The following ASTN1 variants were observed in gnomAD, a reference collection of about 807,000 sequenced individuals.
The protein encoded by ASTN1 is astrotactin 1.
ASTN1 carries 41 observed loss-of-function variants against 140.7 expected under a neutral mutation model. The ratio of observed to expected loss-of-function variants is 0.29; its 90% CI spans 0.23 to 0.38. The LOEUF is 0.38. Among genes scored for constraint, ASTN1 ranks in the 10% least tolerant of loss-of-function variants. The pLI is 1.00. For missense variants in ASTN1, 1,479 were observed against 1,678.8 expected, an observed-to-expected ratio of 0.88 and a Z score of 2.08; for synonymous variants, 640 against 652.2, an observed-to-expected ratio of 0.98 and a Z score of 0.29.
intron 4 of ASTN1, among the ~76,000 whole-genome samples, chr1:177,030,378 T>C (rs935657797): frequency 2.0e-5 from 3 of 152,310 alleles, no homozygotes; most frequent in Middle Eastern, 3.4e-3. Flanking sequence ...TCCCATTTAA[T>C]AGATGGGTGG....
chr1:177,051,880 T>C (rs1677558738), intron 2 of ASTN1, among the ~76,000 whole-genome samples: 1 of 152,160 alleles, frequency 6.6e-6, no homozygotes, highest in South Asian at 2.1e-4. Context: ...TGGGCAGTGA[T>C]GGAATTCCCT....
Position 176,864,318 on chromosome 1 carries a change from G to C in ASTN1, c.3851C>G (p.Pro1284Arg). 6.2e-7 allele frequency: 1 copy of C among 1,614,038 alleles called. No homozygotes were observed. Among genetic ancestry groups the C allele is most frequent in the Non-Finnish European group, 8.5e-7 (1 of 1,179,988 alleles). Residue 1284 changes from proline to arginine, a missense_variant, in exon 23 of 23, where the codon CCC (proline) becomes CGC (arginine). Around this residue, in one of 3 missense-constraint regions of ASTN1, gnomAD observed 746 missense variants for 800.9 expected, o/e 0.93. Coordinates refer to ENST00000361833, the MANE Select transcript of ASTN1 (RefSeq NM_004319.3). ...KTCEEQTLSIPYNDYGDSKEI is the reference protein window; with the variant it reads ...KTCEEQTLSIRYNDYGDSKEI Reference sequence around the variant, plus strand: ...TTTGCTGTCCCCATAGTCGTTGTAGGGGATACTCAGGGTCTGCTCCTCACA... The same window carrying C: ...TTTGCTGTCCCCATAGTCGTTGTAGCGGATACTCAGGGTCTGCTCCTCACA...
chr1:177,021,446 G>GT (rs1675820169), intron 7 of ASTN1, among the ~76,000 whole-genome samples: 1 of 152,184 alleles, frequency 6.6e-6, no homozygotes, highest in Non-Finnish European at 1.5e-5. Context: ...AGTAATGGTT[G>GT]TTTTTTAAAT....
At chr1:176,964,513 A>G (rs1672792092) in intron 9 of ASTN1, among the ~76,000 whole-genome samples, 1 of 152,206 alleles carries the variant, frequency 6.6e-6, no homozygotes. Context: ...AAACTTTATG[A>G]TAATTGAATC....
intron 1 of ASTN1, among the ~76,000 whole-genome samples, chr1:177,159,363 A>G (rs1001282712): frequency 3.9e-5 from 6 of 152,228 alleles, no homozygotes; most frequent in African/African-American, 1.4e-4. Flanking sequence ...CTGCCAATCT[A>G]TACAAATGCA....
chr1:177,013,569 T>C (rs1675397233), intron 8 of ASTN1, among the ~76,000 whole-genome samples: 1 of 152,178 alleles, frequency 6.6e-6, no homozygotes, highest in African/African-American at 2.4e-5. Flanking sequence ...TTCAGTATTC[T>C]AGGTTTGGTC....
chr1:176,876,462 C>T, intron 21 of ASTN1, 75 bp downstream of exon 21: 1 of 1,480,182 alleles, frequency 6.8e-7, no homozygotes, highest in Non-Finnish European at 9.4e-7. Flanking sequence ...CTCTCTTGGT[C>T]CTTCTGTCCT....
At chr1:177,109,825 T>C (rs1194936477) in intron 1 of ASTN1, among the ~76,000 whole-genome samples, 4 of 152,222 alleles carry the variant, frequency 2.6e-5, no homozygotes, top group Non-Finnish European at 5.9e-5. Context: ...AGAATCACAA[T>C]TCTCTCCACT....
intron 16 of ASTN1, among the ~76,000 whole-genome samples, chr1:176,915,770 C>T (rs927129534): frequency 3.9e-5 from 6 of 152,112 alleles, no homozygotes; most frequent in Admixed American, 1.3e-4. Context: ...AGGGAGGGCA[C>T]GATAAGGTCC....
At chr1:177,068,690 C>G (rs1278157655) in intron 1 of ASTN1, among the ~76,000 whole-genome samples, 1 of 152,216 alleles carries the variant, frequency 6.6e-6, no homozygotes, top group Admixed American at 6.5e-5. Context: ...ACACTTGGCT[C>G]TAGTTAGGCC....
chr1:176,919,745 A>G, intron 16 of ASTN1, among the ~76,000 whole-genome samples: 1 of 152,272 alleles, frequency 6.6e-6, no homozygotes, highest in Non-Finnish European at 1.5e-5. Context: ...GACTAGGTTT[A>G]TAATAAACTG....
rs1437380288 is a variant in ASTN1, at chr1:177,036,088, C to T, written c.472-3239G>A. ...GAGATGGAGTTTTGCTCTTGTTGCC[C>T]AGACTGGAGTGGAGTGCAATGGCAC... is the stretch of plus-strand genomic sequence containing the variant. On this transcript the variant is annotated intron_variant, in intron 2 of 22. Coordinates refer to ENST00000361833, the MANE Select transcript of ASTN1 (RefSeq NM_004319.3). Among the ~76,000 whole-genome samples, 3 of 135,646 alleles carry T rather than the reference C, an allele frequency of 2.2e-5. No homozygotes were observed. In the Admixed American group the frequency reaches 2.4e-4, roughly 11 times the overall value. 89.0% of individuals were successfully genotyped at this position (135,646 alleles called of 152,430 possible). A position where few individuals can be genotyped will look rare whatever the true frequency, so the allele number is the denominator to read the frequency against.
At chr1:177,141,343 G>A (rs1682462182) in intron 1 of ASTN1, among the ~76,000 whole-genome samples, 1 of 152,132 alleles carries the variant, frequency 6.6e-6, no homozygotes, top group South Asian at 2.1e-4. Flanking sequence ...GGGGCTTGGG[G>A]AACTTCTCTT....
Position 177,058,351 on chromosome 1 carries a change from C to T in ASTN1, c.471+2727G>A, listed in dbSNP as rs80168950. 4.6e-5 allele frequency among the ~76,000 whole-genome samples: 7 copies of T among 152,182 alleles called. No homozygotes were observed. The East Asian group carries it at 1.2e-3, about 25-fold the overall frequency. ...TTTTGCACCCTTACGTTTGCCTATG[C>T]CCTTTTGTCCTCTGTCTCTTTAGCC... On this transcript the variant is annotated intron_variant, in intron 2 of 22. Transcript: ENST00000361833.
chr1:177,067,789 G>A (rs1678438637), intron 1 of ASTN1, among the ~76,000 whole-genome samples: 1 of 152,086 alleles, frequency 6.6e-6, no homozygotes. Context: ...CTGGCCATCT[G>A]TGAAGGAAGA....
intron 1 of ASTN1, among the ~76,000 whole-genome samples, chr1:177,137,337 T>C (rs1317134242): frequency 2.0e-5 from 3 of 152,182 alleles, no homozygotes; most frequent in African/African-American, 4.8e-5. Flanking sequence ...TTGAAGAGAA[T>C]AGGTCCTCAT....
At chr1:177,019,650 C>G (rs1675719902) in intron 7 of ASTN1, among the ~76,000 whole-genome samples, 1 of 152,110 alleles carries the variant, frequency 6.6e-6, no homozygotes. Flanking sequence ...CTGAGTATAT[C>G]CCATGCATTG....
intron 16 of ASTN1, among the ~76,000 whole-genome samples, chr1:176,925,837 G>A (rs981829366): frequency 8.4e-5 from 12 of 142,628 alleles, no homozygotes; most frequent in Admixed American, 3.0e-4. Context: ...GAGGAGTCTC[G>A]CTCTGTCACC....
At chr1:177,054,592 T>C (rs1383922057) in intron 2 of ASTN1, among the ~76,000 whole-genome samples, 2 of 152,190 alleles carry the variant, frequency 1.3e-5, no homozygotes, top group Non-Finnish European at 2.9e-5. Context: ...TAACCTGATA[T>C]GAAAGCTTTG....
Sources: allele counts gnomAD v4.1 joint callset (sites outside exome capture counted in the v4.1 genomes callset), GRCh38; gene constraint gnomAD v4.1.1; regional missense constraint gnomAD v4.1.1; transcripts MANE v1.5; gene names NCBI Gene and HGNC (gene_info 2026-07-23, HGNC 2026-07-21).